Variants in BCL2 observed in about 807,000 individuals in gnomAD.
BCL2 encodes BCL2 apoptosis regulator, also known as apoptosis regulator Bcl-2.
BCL2 carries 1 observed loss-of-function variant against 14.2 expected under a neutral mutation model. The observed-to-expected ratio is 0.07, with a 90% CI of 0.02 to 0.33. The LOEUF (loss-of-function observed/expected upper bound fraction) is 0.33, where lower values mean the gene tolerates loss of function less well. Ranked by LOEUF, BCL2 falls within the 10% of genes least tolerant of loss-of-function variation. The pLI is 0.99. For missense variants in BCL2, 247 were observed against 305.9 expected (o/e 0.81, Z 1.44); for synonymous variants, 151 against 137.2 (o/e 1.10, Z -0.70).
chr18:63,228,770 A>G (rs1352934736), intron 2 of BCL2, among the ~76,000 whole-genome samples: 2 of 151,440 alleles, frequency 1.3e-5, no homozygotes, highest in African/African-American at 4.9e-5. Flanking sequence ...GTGCAGTGGC[A>G]TGATCTCCGC....
In BCL2 at chr18:63,295,099, G is replaced by T. The variant is rs1011134002; in HGVS notation, c.585+22983C>A. 6.2e-4 allele frequency among the ~76,000 whole-genome samples: 94 copies of T among 151,906 alleles called. 2 individuals are homozygous for T. The highest frequency in any genetic ancestry group is 1.5e-4 in the Non-Finnish European group (10 of 67,992). ...GAACTGCTTGAACCTGGGAGGCAGA[G>T]GTTGCAGTGAGCCGAGATTGTGCCA... is the stretch of plus-strand genomic sequence containing the variant. On this transcript the variant is annotated intron_variant, in intron 2 of 2. Coordinates refer to ENST00000333681, the MANE Select transcript of BCL2 (RefSeq NM_000633.3).
intron 2 of BCL2, among the ~76,000 whole-genome samples, chr18:63,189,189 T>TAA (rs34498028): frequency 2.2e-5 from 3 of 135,348 alleles, no homozygotes; most frequent in Admixed American, 7.3e-5. Context: ...TAACAGCATA[T>TAA]AAAAAAAAAA....
Position 63,135,216 on chromosome 18 carries a change from T to C in BCL2, c.586-6457A>G, listed in dbSNP as rs558139591. 3.9e-5 allele frequency among the ~76,000 whole-genome samples: 6 copies of C among 152,332 alleles called. No individual in the cohort carries two copies. The South Asian group carries it at 1.2e-3, about 32-fold the overall frequency. ...ACTGGTTAGAATGCTGGCAAGCAGC[T>C]GGTTCTTCTCTCTACCCAGGGAACC... On this transcript the variant is annotated intron_variant, in intron 2 of 2. Coordinates refer to ENST00000333681, the MANE Select transcript of BCL2 (RefSeq NM_000633.3).
intron 2 of BCL2, among the ~76,000 whole-genome samples, chr18:63,189,975 T>G (rs188896513): frequency 6.6e-6 from 1 of 152,168 alleles, no homozygotes; most frequent in Non-Finnish European, 1.5e-5. Context: ...CCAGATTAAA[T>G]AGAATGTTGA....
chr18:63,210,719 T>G (rs2144673295), intron 2 of BCL2, among the ~76,000 whole-genome samples: 1 of 152,336 alleles, frequency 6.6e-6, no homozygotes, highest in African/African-American at 2.4e-5. Flanking sequence ...TCTGCTTTCC[T>G]TTCAGTTCTT....
chr18:63,277,971 GCCAGTGT>G (rs1912205222), intron 2 of BCL2, among the ~76,000 whole-genome samples: 1 of 152,132 alleles, frequency 6.6e-6, no homozygotes, highest in Non-Finnish European at 1.5e-5. Context: ...GATTCTAGAA[GCCAGTGT>G]CCCTCAACCC....
At chr18:63,171,692 T>C (rs1189209641) in intron 2 of BCL2, among the ~76,000 whole-genome samples, 1 of 152,144 alleles carries the variant, frequency 6.6e-6, no homozygotes, top group Non-Finnish European at 1.5e-5. Context: ...AAATAATAAA[T>C]ATGGCCAGGC....
intron 2 of BCL2, among the ~76,000 whole-genome samples, chr18:63,159,802 A>ATGAGC (rs1385324794): frequency 6.6e-6 from 1 of 152,260 alleles, no homozygotes; most frequent in Non-Finnish European, 1.5e-5. Flanking sequence ...TGGAGTTTCT[A>ATGAGC]TGAGCTGAGC....
At chr18:63,227,375 T>C (rs1434903867) in intron 2 of BCL2, among the ~76,000 whole-genome samples, 1 of 152,216 alleles carries the variant, frequency 6.6e-6, no homozygotes, top group Non-Finnish European at 1.5e-5. Flanking sequence ...GCCTGGCTAA[T>C]TTTTTGTATT....
intron 2 of BCL2, chr18:63,316,866 G>A (rs867486292): frequency 3.3e-5 from 5 of 151,486 alleles, no homozygotes; most frequent in African/African-American, 7.3e-5. Flanking sequence ...CTCCCAAGAG[G>A]CTATAAAAGG....
chr18:63,235,968 C>T (rs778836514), intron 2 of BCL2, among the ~76,000 whole-genome samples: 45 of 152,186 alleles, frequency 3.0e-4, no homozygotes, highest in Non-Finnish European at 6.2e-4. Context: ...GGCTGTGTCT[C>T]CACCCAAATC....
At chr18:63,152,662 A>C (rs953577853) in intron 2 of BCL2, among the ~76,000 whole-genome samples, 3 of 152,228 alleles carry the variant, frequency 2.0e-5, no homozygotes, top group African/African-American at 4.8e-5. Context: ...GGGCCAACCA[A>C]GTATTCCCAG....
intron 2 of BCL2, among the ~76,000 whole-genome samples, chr18:63,130,605 T>C (rs1233462765): frequency 6.6e-6 from 1 of 152,354 alleles, no homozygotes; most frequent in Middle Eastern, 3.4e-3. Context: ...TTGATGAGGA[T>C]TTAAAGCATT....
At chr18:63,203,841 A>G (rs542768366) in intron 2 of BCL2, among the ~76,000 whole-genome samples, 168 of 152,370 alleles carry the variant, frequency 1.1e-3, no homozygotes, top group Non-Finnish European at 2.0e-3. Context: ...ACATACTTGT[A>G]TTTCTTCAAA....
chr18:63,269,148 C>A (rs1214437160), intron 2 of BCL2, among the ~76,000 whole-genome samples: 2 of 151,852 alleles, frequency 1.3e-5, no homozygotes, highest in African/African-American at 4.8e-5. Context: ...GAGATGGGGT[C>A]TCACTATGCT....
At chr18:63,269,557 T>C (rs2144237405) in intron 2 of BCL2, among the ~76,000 whole-genome samples, 1 of 152,294 alleles carries the variant, frequency 6.6e-6, no homozygotes, top group East Asian at 1.9e-4. Flanking sequence ...AAGGAGAAAG[T>C]GGCCATTTTT....
intron 2 of BCL2, among the ~76,000 whole-genome samples, chr18:63,230,654 G>A (rs1208559140): frequency 5.9e-5 from 9 of 152,018 alleles, no homozygotes; most frequent in African/African-American, 1.7e-4. Flanking sequence ...ACTAAATAGA[G>A]TAAAGATTTT....
chr18:63,232,910 T>C (rs1440084556), intron 2 of BCL2, among the ~76,000 whole-genome samples: 2 of 152,206 alleles, frequency 1.3e-5, no homozygotes. Context: ...AAGAAATTGG[T>C]TTATGTCTGA....
chr18:63,145,418 C>T (rs999167632), intron 2 of BCL2, among the ~76,000 whole-genome samples: 28 of 147,376 alleles, frequency 1.9e-4, no homozygotes, highest in Non-Finnish European at 2.5e-4. Context: ...TTCTCTGGGC[C>T]GCTCGCCCCA....
Sources: allele counts gnomAD v4.1 joint callset (sites outside exome capture counted in the v4.1 genomes callset), GRCh38; gene constraint gnomAD v4.1.1; transcripts MANE v1.5; gene names NCBI Gene and HGNC (gene_info 2026-07-23, HGNC 2026-07-21).